ANKS1B: variants seen among roughly 807,000 people sequenced by gnomAD.
The protein encoded by ANKS1B is ankyrin repeat and sterile alpha motif domain containing 1B.
In ANKS1B, 36 loss-of-function variants were observed where a neutral mutation model predicts 148.3. The observed-to-expected ratio is 0.24, with a 90% confidence interval of 0.19 to 0.32. The LOEUF (loss-of-function observed/expected upper bound fraction) is 0.32. Ranked by LOEUF, ANKS1B falls within the 10% of genes least tolerant of loss-of-function variation. The pLI, the probability that ANKS1B is intolerant of heterozygous loss-of-function variation, is 1.00. For synonymous variants in ANKS1B, 542 were observed against 560.8 expected (o/e 0.97, Z 0.47); for missense variants, 1,157 against 1,542.6 (o/e 0.75, Z 4.19).
At chr12:99,681,230 C>G (rs1481443819) in intron 8 of ANKS1B, among the ~76,000 whole-genome samples, 2 of 152,134 alleles carry the variant, frequency 1.3e-5, no homozygotes, top group Admixed American at 6.5e-5. Context: ...AGAGGCCAAC[C>G]AACTCAAGCC....
chr12:98,999,148 ACACCGTGC>A (rs2099931429), intron 17 of ANKS1B, among the ~76,000 whole-genome samples: 1 of 152,262 alleles, frequency 6.6e-6, no homozygotes, highest in South Asian at 2.1e-4. Context: ...CTGCTGAGAT[ACACCGTGC>A]AACTGGAGCT....
chr12:98,883,399 G>T (rs1476768974), intron 17 of ANKS1B, among the ~76,000 whole-genome samples: 1 of 152,220 alleles, frequency 6.6e-6, no homozygotes, highest in Non-Finnish European at 1.5e-5. Flanking sequence ...TGACTGGTCA[G>T]AGCCCATATG....
intron 12 of ANKS1B, among the ~76,000 whole-genome samples, chr12:99,366,314 C>T (rs541227210): frequency 2.7e-4 from 41 of 152,304 alleles, no homozygotes; most frequent in African/African-American, 9.9e-4. Flanking sequence ...CTGATAACCA[C>T]CATTTCCTTT....
At chr12:99,661,115 G>T (rs1198667685) in intron 8 of ANKS1B, among the ~76,000 whole-genome samples, 2 of 152,058 alleles carry the variant, frequency 1.3e-5, no homozygotes, top group Admixed American at 6.6e-5. Context: ...TTTACTGGGG[G>T]TCTGAAGGAA....
intron 14 of ANKS1B, among the ~76,000 whole-genome samples, chr12:99,196,602 TTTTG>T (rs1242861816): frequency 1.3e-5 from 2 of 151,994 alleles, no homozygotes; most frequent in Admixed American, 6.6e-5. Context: ...TTTTGTTTGT[TTTTG>T]TTTTTTTTCT....
intron 1 of ANKS1B, among the ~76,000 whole-genome samples, chr12:99,830,485 T>C (rs1187965324): frequency 6.6e-6 from 1 of 152,014 alleles, no homozygotes; most frequent in Admixed American, 6.6e-5. Context: ...GAAGTAATAA[T>C]GGGATCTACA....
chr12:99,018,599 A>T (rs2099943937), intron 17 of ANKS1B, among the ~76,000 whole-genome samples: 2 of 152,330 alleles, frequency 1.3e-5, no homozygotes, highest in South Asian at 4.1e-4. Context: ...AACTCAGTAT[A>T]GATTCTGTGT....
At chr12:99,226,555 T>C (rs1458115566) in intron 14 of ANKS1B, among the ~76,000 whole-genome samples, 4 of 152,232 alleles carry the variant, frequency 2.6e-5, no homozygotes, top group Admixed American at 2.6e-4. Flanking sequence ...ACATCTACAG[T>C]TCTGATTATC....
intron 9 of ANKS1B, among the ~76,000 whole-genome samples, chr12:99,523,570 T>C (rs1396802346): frequency 2.0e-5 from 3 of 150,644 alleles, no homozygotes; most frequent in Non-Finnish European, 3.0e-5. Context: ...TTTTTTTTTT[T>C]TGAGACGGAG....
chr12:98,897,715 G>A (rs2099766735), intron 17 of ANKS1B, among the ~76,000 whole-genome samples: 1 of 152,050 alleles, frequency 6.6e-6, no homozygotes, highest in Non-Finnish European at 1.5e-5. Flanking sequence ...CCCAATACTG[G>A]GTATCTACTC....
chr12:99,481,851 T>A (rs12580884), intron 10 of ANKS1B, among the ~76,000 whole-genome samples: 6,023 of 151,940 alleles, frequency 0.04, 164 homozygotes, highest in South Asian at 0.084. Flanking sequence ...ATATTCCTTG[T>A]CAAGTTTTTG....
chr12:99,392,052 G>A (rs1156599991), intron 12 of ANKS1B, among the ~76,000 whole-genome samples: 1 of 152,242 alleles, frequency 6.6e-6, no homozygotes, highest in Non-Finnish European at 1.5e-5. Context: ...AGGTCCCAAA[G>A]ATGTAATCTC....
chr12:99,868,015 G>A (rs1425335634), intron 1 of ANKS1B, among the ~76,000 whole-genome samples: 2 of 152,218 alleles, frequency 1.3e-5, no homozygotes, highest in East Asian at 3.9e-4. Flanking sequence ...ATTTACTACA[G>A]TAACAGGATG....
chr12:99,564,938 A>G (rs1218511725), intron 9 of ANKS1B, among the ~76,000 whole-genome samples: 3 of 152,234 alleles, frequency 2.0e-5, no homozygotes, highest in Non-Finnish European at 4.4e-5. Flanking sequence ...TTAAAAATAT[A>G]TAACTGTAAA....
chr12:98,945,505 C>CAAAAAAAAAAAAAAAA lies in ANKS1B; in HGVS notation c.2778+107636_2778+107651dup, dbSNP rs3051086. ...GCCAGACCCTGTCTCAACAAACAAA[C>CAAAAAAAAAAAAAAAA]AAAAAAAAAAAAAAAAAAAAAAAAA... On this transcript the variant is annotated intron_variant, in intron 17 of 26. Transcript: ENST00000683438. Among the ~76,000 whole-genome samples, 30 of 30,264 alleles carry CAAAAAAAAAAAAAAAA rather than the reference C, an allele frequency of 9.9e-4. 2 individuals carry two copies. Among genetic ancestry groups the CAAAAAAAAAAAAAAAA allele is most frequent in the Admixed American group, 2.3e-3 (6 of 2,634 alleles). 19.9% of individuals were successfully genotyped at this position (30,264 alleles called of 152,430 possible).
intron 12 of ANKS1B, among the ~76,000 whole-genome samples, chr12:99,247,495 A>G (rs1001399376): frequency 6.6e-6 from 1 of 152,078 alleles, no homozygotes; most frequent in African/African-American, 2.4e-5. Context: ...AAAAAGAGAG[A>G]CTCCAATATA....
intron 8 of ANKS1B, among the ~76,000 whole-genome samples, chr12:99,684,043 C>T (rs541470062): frequency 6.6e-6 from 1 of 152,116 alleles, no homozygotes; most frequent in African/African-American, 2.4e-5. Flanking sequence ...CCCCTGAGAC[C>T]TGGGATAACA....
Position 99,383,635 on chromosome 12 carries a change from C to A in ANKS1B, c.1756+15996G>T, listed in dbSNP as rs2093733794. Among the ~76,000 whole-genome samples the A allele has an allele frequency of 3.3e-5, 5 of 152,138 alleles. 1 individual carries two copies. The South Asian group carries it at 1.0e-3, about 32-fold the overall frequency. ...TCCCTTTACAGGTCTTCCCCGATGC[C>A]CTTGATTAAAAATGCTTTCTTGCCA... On this transcript the variant is annotated intron_variant, in intron 12 of 26. Transcript: ENST00000683438.
intron 9 of ANKS1B, chr12:99,648,204 C>T (rs372408915): frequency 1.7e-5 from 27 of 1,613,980 alleles, no homozygotes; most frequent in Non-Finnish European, 2.0e-5. Flanking sequence ...TACCGTATTA[C>T]ACGGCCCAAA....
Sources: allele counts gnomAD v4.1 joint callset (sites outside exome capture counted in the v4.1 genomes callset), GRCh38; gene constraint gnomAD v4.1.1; transcripts MANE v1.5; gene names NCBI Gene and HGNC (gene_info 2026-07-23, HGNC 2026-07-21).